MTHFD2: variants seen among roughly 807,000 people sequenced by gnomAD.
MTHFD2 encodes bifunctional methylenetetrahydrofolate dehydrogenase/cyclohydrolase, mitochondrial.
A neutral mutation model predicts 36.8 loss-of-function variants in MTHFD2; 26 were observed. That is an observed-to-expected ratio of 0.71 (90% CI 0.52 to 0.98). The LOEUF (loss-of-function observed/expected upper bound fraction) is 0.98, where lower values mean the gene tolerates loss of function less well. MTHFD2 is among the 50% of genes least tolerant of loss of function. The pLI, the probability that MTHFD2 is intolerant of heterozygous loss-of-function variation, is 0.00. For missense variants in MTHFD2, 373 were observed against 434.0 expected, an observed-to-expected ratio of 0.86 and a Z score of 1.25; for synonymous variants, 164 against 155.2, an observed-to-expected ratio of 1.06 and a Z score of -0.42.
At chr2:74,198,787 A>G in intron 1 of MTHFD2, 45 bp downstream of exon 1, 3 of 1,521,734 alleles carry the variant, frequency 2.0e-6, no homozygotes, top group Non-Finnish European at 2.7e-6. Flanking sequence ...GCTGAGGGGA[A>G]CGGAGGGCGA....
At chr2:74,210,488 C>A (rs1166675238) in intron 5 of MTHFD2, among the ~76,000 whole-genome samples, 1 of 152,118 alleles carries the variant, frequency 6.6e-6, no homozygotes, top group Non-Finnish European at 1.5e-5. Flanking sequence ...AATCAGTTAT[C>A]ACATAATTAT....
At chr2:74,207,514 A>T (rs1194640327) in intron 2 of MTHFD2, among the ~76,000 whole-genome samples, 190 bp from the exon 3 acceptor site, 1 of 152,272 alleles carries the variant, frequency 6.6e-6, no homozygotes, top group East Asian at 1.9e-4. Context: ...GGTATACAGG[A>T]TGTGTTAAGC....
intron 1 of MTHFD2, among the ~76,000 whole-genome samples, chr2:74,199,421 A>G (rs989384642): frequency 2.6e-5 from 4 of 152,164 alleles, no homozygotes; most frequent in Non-Finnish European, 5.9e-5. Flanking sequence ...GGCCTTAGGG[A>G]AAGGGGGAAT....
At chr2:74,213,300 A>G (rs1221951759) in intron 7 of MTHFD2, among the ~76,000 whole-genome samples, 1 of 110,696 alleles carries the variant, frequency 9.0e-6, no homozygotes, top group Non-Finnish European at 1.7e-5. Context: ...TTTTTGAGAC[A>G]GGATCCCTCT....
chr2:74,211,782 G>A lies in MTHFD2; in HGVS notation c.805G>A (p.Ala269Thr). Residue 269 changes from alanine to threonine, a missense_variant, in exon 7 of 8, where the codon GCA (alanine) becomes ACA (threonine). Physicochemically the swap from Ala to Thr is moderately conservative, Grantham distance 58. Coordinates refer to ENST00000394053, the MANE Select transcript of MTHFD2 (RefSeq NM_006636.4). ...LITADMIKEG[A>T]AVIDVGINRV... The stretch of plus-strand genomic sequence containing the variant: ...CACAGCAGATATGATCAAGGAAGGA[G>A]CAGCAGTCATTGATGTGGGAATAAA... The A allele has an allele frequency of 6.2e-7, 1 of 1,611,854 alleles. No individual in the cohort carries two copies.
chr2:74,201,872 G>A (rs900989133), intron 1 of MTHFD2, among the ~76,000 whole-genome samples: 9 of 152,100 alleles, frequency 5.9e-5, no homozygotes, highest in African/African-American at 2.2e-4. Flanking sequence ...AGCAGAGGAG[G>A]GCTGACAGTT....
intron 1 of MTHFD2, among the ~76,000 whole-genome samples, chr2:74,201,422 A>T (rs1249821465): frequency 6.6e-6 from 1 of 151,558 alleles, no homozygotes; most frequent in Non-Finnish European, 1.5e-5. Flanking sequence ...CAGTGCTGCA[A>T]TCACGGCTTA....
rs529731238 is a variant in MTHFD2, at chr2:74,204,803, T to C, written c.102-902T>C. On this transcript the variant is annotated intron_variant, in intron 1 of 7. Transcript: ENST00000394053. ...TGGGGAGTGGTGGTCATTTTGATGT[T>C]TGACCTGTCCAGTATGTTGTTTGTT... Among the ~76,000 whole-genome samples, 6 of 152,100 alleles carry C rather than the reference T, an allele frequency of 3.9e-5. No individual in the cohort carries two copies. In the South Asian group the frequency reaches 1.0e-3, roughly 26 times the overall value.
At chr2:74,203,906 G>GTT (rs369717981) in intron 1 of MTHFD2, among the ~76,000 whole-genome samples, 1 of 29,516 alleles carries the variant, frequency 3.4e-5, no homozygotes, top group African/African-American at 1.4e-4. Flanking sequence ...GTTTAGTTTA[G>GTT]TTAGTTTAGT....
At chr2:74,211,957 T>TTC (rs1351903689) in intron 7 of MTHFD2, 91 bp downstream of exon 7, 11 of 1,191,912 alleles carry the variant, frequency 9.2e-6, no homozygotes, top group Non-Finnish European at 1.2e-5. Flanking sequence ...TTTTTTTTTT[T>TTC]TTTTTTTTTG....
rs1194234146 is a variant in MTHFD2, at chr2:74,216,191, T to C, written c.*1949T>C. On this transcript the variant is annotated 3_prime_UTR_variant, in exon 8 of 8. Transcript: ENST00000394053. The stretch of plus-strand genomic sequence containing the variant: ...ATGTTTTTGTAAGTGACGTATAGCT[T>C]ATGTCTCTAATCCATGCCTGCTTAC... The C allele has an allele frequency of 6.6e-6, 1 of 152,236 alleles. No homozygotes were observed. Among genetic ancestry groups the C allele is most frequent in the African/African-American group, 2.4e-5 (1 of 41,458 alleles). 9.4% of individuals were successfully genotyped at this position (152,236 alleles called of 1,614,324 possible). A position where few individuals can be genotyped will look rare whatever the true frequency, so the allele number is the denominator to read the frequency against.
chr2:74,203,901 GTTTAGTTAGTTTAGTTTAGTTTAGTT>G (rs1694110233), intron 1 of MTHFD2, among the ~76,000 whole-genome samples: 1 of 29,474 alleles, frequency 3.4e-5, no homozygotes, highest in Admixed American at 3.5e-4. Context: ...GTTTAGTTTA[GTTTAGTTAGTTTAGTTTAGTTTAGTT>G]TTTTGAGATG....
chr2:74,204,140 C>T (rs1694123829), intron 1 of MTHFD2, among the ~76,000 whole-genome samples: 1 of 152,058 alleles, frequency 6.6e-6, no homozygotes, highest in African/African-American at 2.4e-5. Context: ...TCTGGAACTC[C>T]TGACCTCAAG....
Position 74,212,263 on chromosome 2 carries a change from C to CTTTTT in MTHFD2, c.889+415_889+419dup, listed in dbSNP as rs398042480. Among the ~76,000 whole-genome samples the CTTTTT allele has an allele frequency of 1.8e-3, 64 of 35,704 alleles. 2 individuals carry two copies. The highest frequency in any genetic ancestry group is 4.9e-3 in the African/African-American group (36 of 7,364). 23.4% of individuals were successfully genotyped at this position (35,704 alleles called of 152,430 possible). A position where few individuals can be genotyped will look rare whatever the true frequency, so the allele number is the denominator to read the frequency against. On this transcript the variant is annotated intron_variant, in intron 7 of 7. Transcript: ENST00000394053. ...CCCCTTTCTTCCTTCGTTTCTTTCT[C>CTTTTT]TTTTTTTTTTTTTTTTTTTTTTGAG...
In MTHFD2 at chr2:74,198,675, G is replaced by T. The variant is rs754130805; in HGVS notation, c.34G>T (p.Ala12Ser). Reference protein sequence around the residue: ...AATSLMSALAARLLQPAHSCS... With the variant: ...AATSLMSALASRLLQPAHSCS... ...GACTTCTCTAATGTCTGCTTTGGCTGCCCGGCTGCTGCAGCCCGCGCACAG... is the reference window on the plus strand; with the variant it reads ...GACTTCTCTAATGTCTGCTTTGGCTTCCCGGCTGCTGCAGCCCGCGCACAG... The change falls in exon 1 of 8, where the codon GCC becomes TCC. Residue 12 changes from alanine (A) to serine (S), a missense_variant. Physicochemically the swap from Ala to Ser is moderately conservative, Grantham distance 99. Around this residue, in one of 2 missense-constraint regions of MTHFD2, gnomAD observed 65 missense variants for 36.1 expected, o/e 1.80. Coordinates refer to ENST00000394053, the MANE Select transcript of MTHFD2 (RefSeq NM_006636.4). The T allele has an allele frequency of 2.9e-5, 47 of 1,611,014 alleles. No homozygotes were observed. Among genetic ancestry groups the T allele is most frequent in the South Asian group, 5.5e-5 (5 of 90,804 alleles).
In MTHFD2 at chr2:74,211,302, A is replaced by G. The variant is rs754594764; in HGVS notation, c.763+11A>G. The stretch of plus-strand genomic sequence containing the variant: ...TAATATCTGCTGCAGGTAAGAACAC[A>G]AGGGGGATGGAGGGAAGGACTTCAC... On this transcript the variant is annotated intron_variant, in intron 6 of 7. Coordinates refer to ENST00000394053, the MANE Select transcript of MTHFD2 (RefSeq NM_006636.4). 5.7e-5 allele frequency: 89 copies of G among 1,551,250 alleles called. No individual in the cohort carries two copies. In the South Asian group the frequency reaches 9.7e-4, roughly 17 times the overall value.
At chr2:74,204,111 G>C (rs1694122792) in intron 1 of MTHFD2, among the ~76,000 whole-genome samples, 2 of 151,858 alleles carry the variant, frequency 1.3e-5, no homozygotes. Flanking sequence ...ACGGGGTTTT[G>C]CCATGTTGAC....
intron 1 of MTHFD2, among the ~76,000 whole-genome samples, chr2:74,203,919 A>AGTTTAGTTTAGTT (rs1694116244): frequency 1.8e-5 from 2 of 110,888 alleles, no homozygotes; most frequent in Non-Finnish European, 1.9e-5. Context: ...AGTTTAGTTT[A>AGTTTAGTTTAGTT]GTTTAGTTTT....
At chr2:74,204,866 C>G (rs1422155981) in intron 1 of MTHFD2, among the ~76,000 whole-genome samples, 1 of 152,212 alleles carries the variant, frequency 6.6e-6, no homozygotes, top group Non-Finnish European at 1.5e-5. Context: ...AGCTCTGTCA[C>G]CGAGGCTGGA....
Sources: allele counts gnomAD v4.1 joint callset (sites outside exome capture counted in the v4.1 genomes callset), GRCh38; gene constraint gnomAD v4.1.1; regional missense constraint gnomAD v4.1.1; transcripts MANE v1.5; gene names NCBI Gene and HGNC (gene_info 2026-07-23, HGNC 2026-07-21).